The following SMPD3 variants were observed in gnomAD, a reference collection of about 807,000 sequenced individuals.
SMPD3 encodes the protein nSMase-2.
In SMPD3, 21 loss-of-function variants were observed where a neutral mutation model predicts 55.7. The ratio of observed to expected loss-of-function variants is 0.38; its 90% CI spans 0.27 to 0.54. SMPD3 has a LOEUF of 0.54. Ranked by LOEUF, SMPD3 falls within the 20% of genes least tolerant of loss-of-function variation. The probability of loss-of-function intolerance (pLI) is 0.80; values close to 1 mark genes in which losing one functional copy is unlikely to be tolerated. For missense variants in SMPD3, 842 were observed against 899.6 expected, an observed-to-expected ratio of 0.94 and a Z score of 0.82; for synonymous variants, 457 against 404.3, an observed-to-expected ratio of 1.13 and a Z score of -1.56.
intron 1 of SMPD3, among the ~76,000 whole-genome samples, chr16:68,400,731 G>A (rs139907644): frequency 2.0e-5 from 3 of 152,286 alleles, no homozygotes; most frequent in East Asian, 1.9e-4. Flanking sequence ...CTCCAGCCCC[G>A]ACAAAGGTGC....
intron 2 of SMPD3, among the ~76,000 whole-genome samples, chr16:68,380,502 A>C (rs950849481): frequency 2.6e-5 from 4 of 152,166 alleles, no homozygotes; most frequent in African/African-American, 9.7e-5. Flanking sequence ...TGGGCCTTGC[A>C]AGTCACCAAA....
chr16:68,361,753 C>T lies in SMPD3; in HGVS notation c.1716G>A (p.Leu572=), dbSNP rs150682635. ...VCTPDNLQKV[L]ESEEGRREYL... The stretch of plus-strand genomic sequence containing the variant: ...ACTCCCTGCGGCCCTCCTCACTCTC[C>T]AGGACCCTGTCCACACATGCAGGAG... Residue 572 remains leucine (L), a synonymous_variant, in exon 8 of 9, where the codon CTG becomes CTA. Coordinates refer to ENST00000219334, the MANE Select transcript of SMPD3 (RefSeq NM_018667.4). 5.2e-4 allele frequency: 844 copies of T among 1,612,320 alleles called. 1 individual carries two copies. The highest frequency in any genetic ancestry group is 6.3e-4 in the Non-Finnish European group (747 of 1,179,924).
chr16:68,393,170 C>T (rs550482864), intron 1 of SMPD3, among the ~76,000 whole-genome samples: 16 of 152,126 alleles, frequency 1.1e-4, no homozygotes, highest in African/African-American at 3.4e-4. Context: ...TTTGGGAGGC[C>T]GAGGCAGGCA....
chr16:68,429,863 G>A (rs965218311), intron 1 of SMPD3, among the ~76,000 whole-genome samples: 4 of 152,094 alleles, frequency 2.6e-5, no homozygotes, highest in African/African-American at 9.7e-5. Flanking sequence ...TCCCAGGATG[G>A]CTTCCTGGAA....
intron 3 of SMPD3, among the ~76,000 whole-genome samples, chr16:68,365,519 C>A (rs1271223712): frequency 8.6e-6 from 1 of 115,740 alleles, no homozygotes; most frequent in Non-Finnish European, 1.9e-5. Flanking sequence ...CCCCTGAAAT[C>A]TCAGGGGGTT....
intron 5 of SMPD3, 92 bp from the exon 6 acceptor site, chr16:68,363,958 T>G (rs1303585268): frequency 4.2e-6 from 5 of 1,191,002 alleles, no homozygotes; most frequent in Non-Finnish European, 4.8e-6. Context: ...ACTCCCCATG[T>G]GCTGCCAGGC....
Position 68,371,167 on chromosome 16 carries a change from G to A in SMPD3, c.1015C>T (p.Arg339Trp), listed in dbSNP as rs762702810. The change falls in exon 3 of 9, where the codon CGG (arginine) becomes TGG (tryptophan). Residue 339 changes from arginine to tryptophan, a missense_variant. Transcript: ENST00000219334. ...VVKKAAARRRRHPDEAFDHEV... is the reference protein window; with the variant it reads ...VVKKAAARRRWHPDEAFDHEV... ...TGGTCGAAGGCCTCGTCGGGGTGCC[G>A]CCTCCTGCGTGCAGCCGCCTTCTTC... 21 of 1,613,080 alleles carry A rather than the reference G, an allele frequency of 1.3e-5. No individual in the cohort carries two copies. Among genetic ancestry groups the A allele is most frequent in the African/African-American group, 4.0e-5 (3 of 74,936 alleles).
In SMPD3 at chr16:68,361,131, C is replaced by G. The variant is rs1037132968; in HGVS notation, c.*75G>C. On this transcript the variant is annotated 3_prime_UTR_variant, in exon 9 of 9. Transcript: ENST00000219334. ...GCCCTCCTCCCCCAAGCACCGGGCA[C>G]TCGATGGAGGGGACATGGCCCAGGG... The G allele has an allele frequency of 7.9e-6, 11 of 1,392,640 alleles. No homozygotes were observed. Among genetic ancestry groups the G allele is most frequent in the Middle Eastern group, 1.9e-4 (1 of 5,370 alleles). The allele number at this position is 1,392,640 out of a possible 1,614,324, so 86.3% of individuals were successfully genotyped here. A position where few individuals can be genotyped will look rare whatever the true frequency, so the allele number is the denominator to read the frequency against.
intron 1 of SMPD3, among the ~76,000 whole-genome samples, chr16:68,412,385 A>G (rs1211975989): frequency 1.3e-5 from 2 of 152,196 alleles, no homozygotes; most frequent in African/African-American, 4.8e-5. Flanking sequence ...ACCACCTAAC[A>G]TCAAACATGT....
chr16:68,433,263 A>G lies in SMPD3; in HGVS notation c.-269+15090T>C, dbSNP rs558379244. ...CCTTCTACTGCATCTGACTGTGGATATTTAAATGCTCTCATCACCAGCCTC... is the reference window on the plus strand; with the variant it reads ...CCTTCTACTGCATCTGACTGTGGATGTTTAAATGCTCTCATCACCAGCCTC... On this transcript the variant is annotated intron_variant, in intron 1 of 8. Transcript: ENST00000219334. Among the ~76,000 whole-genome samples the G allele has an allele frequency of 7.9e-5, 12 of 152,312 alleles. No individual in the cohort carries two copies. In the South Asian group the frequency reaches 2.5e-3, roughly 32 times the overall value.
rs2090239579 is a variant in SMPD3 at position 68,404,757 on chromosome 16, C to T, written c.-268-18098G>A. On this transcript the variant is annotated intron_variant, in intron 1 of 8. Transcript: ENST00000219334. The surrounding 1 kb of genome is among the most constrained non-coding windows in gnomAD (Gnocchi z 4.0). ...GCCTGAAACACTGTTTCCAGGAGTA[C>T]AGCATAGAAAATAAGTCTTTCCATC... Among the ~76,000 whole-genome samples the T allele has an allele frequency of 6.6e-6, 1 of 152,176 alleles. No individual in the cohort carries two copies. The highest frequency in any genetic ancestry group is 2.1e-4 in the South Asian group (1 of 4,830).
At chr16:68,433,567 A>G (rs1028745312) in intron 1 of SMPD3, among the ~76,000 whole-genome samples, 3 of 152,220 alleles carry the variant, frequency 2.0e-5, no homozygotes, top group Non-Finnish European at 4.4e-5. Context: ...AGACCAGGCT[A>G]TGTCTTGGGA....
rs1383343254 is a variant in SMPD3, at chr16:68,401,093, G to GGTGGT, written c.-268-14435_-268-14434insACCAC. Among the ~76,000 whole-genome samples, 14 of 152,322 alleles carry GGTGGT rather than the reference G, an allele frequency of 9.2e-5. No individual in the cohort carries two copies. In the South Asian group the frequency reaches 2.7e-3, roughly 29 times the overall value. ...TCAGATAGTGAAACAGAAGTACAGA[G>GGTGGT]TCTTGAATGAACCACCCAGGCCAGC... On this transcript the variant is annotated intron_variant, in intron 1 of 8. Transcript: ENST00000219334.
intron 1 of SMPD3, among the ~76,000 whole-genome samples, chr16:68,427,046 G>A (rs994654935): frequency 2.0e-5 from 3 of 148,812 alleles, no homozygotes; most frequent in South Asian, 4.3e-4. Flanking sequence ...ACCCAGGCTG[G>A]AGTGCAGTGG....
intron 1 of SMPD3, among the ~76,000 whole-genome samples, chr16:68,428,345 C>G (rs2090453157): frequency 6.6e-6 from 1 of 152,320 alleles, no homozygotes; most frequent in Admixed American, 6.5e-5. Flanking sequence ...ACGCTTTGAA[C>G]AGAAGAGCCA....
chr16:68,370,201 C>T (rs546605175), intron 3 of SMPD3: 2 of 152,738 alleles, frequency 1.3e-5, no homozygotes, highest in South Asian at 4.1e-4. Flanking sequence ...CAATCGAATC[C>T]AAATTAGCAG....
chr16:68,400,317 G>T (rs1315631069), intron 1 of SMPD3, among the ~76,000 whole-genome samples: 1 of 152,176 alleles, frequency 6.6e-6, no homozygotes, highest in Non-Finnish European at 1.5e-5. Flanking sequence ...GTGTCCCCCT[G>T]ACCTTGCCAG....
chr16:68,391,623 G>T (rs1241313579), intron 1 of SMPD3, among the ~76,000 whole-genome samples: 1 of 152,194 alleles, frequency 6.6e-6, no homozygotes, highest in Non-Finnish European at 1.5e-5. Flanking sequence ...GGGAGCATGG[G>T]GTGGGCAGGA....
At chr16:68,424,133 T>G (rs1193460926) in intron 1 of SMPD3, among the ~76,000 whole-genome samples, 1 of 149,426 alleles carries the variant, frequency 6.7e-6, no homozygotes, top group Non-Finnish European at 1.5e-5. Context: ...CTAGGCCCCC[T>G]GGCTAAGCCT....
Sources: allele counts gnomAD v4.1 joint callset (sites outside exome capture counted in the v4.1 genomes callset), GRCh38; gene constraint gnomAD v4.1.1; non-coding constraint Gnocchi (gnomAD v3.1); transcripts MANE v1.5; gene names NCBI Gene and HGNC (gene_info 2026-07-23, HGNC 2026-07-21).